The following SYNCRIP variants were observed in gnomAD, a reference collection of about 807,000 sequenced individuals.
SYNCRIP encodes heterogeneous nuclear ribonucleoprotein Q.
Under a neutral mutation model 68.9 loss-of-function variants are expected in SYNCRIP, and 9 were observed. The observed-to-expected ratio is 0.13, with a 90% CI of 0.08 to 0.23. The LOEUF (loss-of-function observed/expected upper bound fraction) is 0.23, where lower values mean the gene tolerates loss of function less well. SYNCRIP is among the 10% of genes least tolerant of loss of function. The pLI is 1.00. For synonymous variants in SYNCRIP, 258 were observed against 254.0 expected (o/e 1.02, Z -0.15); for missense variants, 414 against 770.6 (o/e 0.54, Z 5.48).
intron 10 of SYNCRIP, among the ~76,000 whole-genome samples, chr6:85,615,840 T>C (rs1264786868): frequency 6.6e-6 from 1 of 152,224 alleles, no homozygotes; most frequent in Non-Finnish European, 1.5e-5. Context: ...GAATTGCATT[T>C]CTGCTAAGAT....
In SYNCRIP at chr6:85,640,343, T is replaced by A; in HGVS notation, c.268-15A>T. The A allele has an allele frequency of 6.2e-7, 1 of 1,607,842 alleles. No individual in the cohort carries two copies. The highest frequency in any genetic ancestry group is 8.5e-7 in the Non-Finnish European group (1 of 1,175,606). Reference sequence around the variant, plus strand: ...GCACTTTTGTTCTGCAAAAAAATGTTCCATTAATATTTAACAATAACCATA... The same window carrying A: ...GCACTTTTGTTCTGCAAAAAAATGTACCATTAATATTTAACAATAACCATA... On this transcript the variant is annotated splice_polypyrimidine_tract_variant and intron_variant, in intron 3 of 10. Coordinates refer to ENST00000369622, the MANE Select transcript of SYNCRIP (RefSeq NM_006372.5).
intron 8 of SYNCRIP, 102 bp downstream of exon 8, chr6:85,622,380 A>T: frequency 8.7e-7 from 1 of 1,150,980 alleles, no homozygotes. Context: ...TGTCTCAAAA[A>T]ATAAAAAAAT....
chr6:85,632,314 G>A (rs983818270), intron 6 of SYNCRIP, among the ~76,000 whole-genome samples: 1 of 152,108 alleles, frequency 6.6e-6, no homozygotes, highest in African/African-American at 2.4e-5. Flanking sequence ...TAATGCAAAG[G>A]AGGCATGAGG....
rs779156651 is a variant in SYNCRIP at position 85,614,737 on chromosome 6, TAC to T, written c.*17_*18del. On this transcript the variant is annotated 3_prime_UTR_variant, in exon 11 of 11. Coordinates refer to ENST00000369622, the MANE Select transcript of SYNCRIP (RefSeq NM_006372.5). ...TGATCAACCTATCAGTCTCCAATTT[TAC>T]AGAGGCCCTACTGTTTCTACTTCCA... 2 of 1,549,484 alleles carry T rather than the reference TAC, an allele frequency of 1.3e-6. No homozygotes were observed. Among genetic ancestry groups the T allele is most frequent in the African/African-American group, 1.4e-5 (1 of 72,610 alleles).
chr6:85,637,935 G>A (rs889463488), intron 4 of SYNCRIP, among the ~76,000 whole-genome samples: 4 of 152,096 alleles, frequency 2.6e-5, no homozygotes, highest in Non-Finnish European at 5.9e-5. Flanking sequence ...AAAAGTAACA[G>A]CCAAAACGAC....
At chr6:85,642,548 G>A (rs910157576) in intron 1 of SYNCRIP, among the ~76,000 whole-genome samples, 2 of 152,142 alleles carry the variant, frequency 1.3e-5, no homozygotes, top group African/African-American at 4.8e-5. Flanking sequence ...GTCCGTGCGG[G>A]CCACGGGACC....
chr6:85,618,404 G>A (rs1220257038), intron 10 of SYNCRIP, among the ~76,000 whole-genome samples: 1 of 151,710 alleles, frequency 6.6e-6, no homozygotes, highest in African/African-American at 2.4e-5. Context: ...AAAATTACCA[G>A]GCATGGTGGC....
At chr6:85,634,951 C>G (rs1808277523) in intron 6 of SYNCRIP, among the ~76,000 whole-genome samples, 1 of 152,136 alleles carries the variant, frequency 6.6e-6, no homozygotes, top group African/African-American at 2.4e-5. Flanking sequence ...GGGCAGATTA[C>G]TTGAGGTCTG....
chr6:85,643,859 G>A (rs1809490267), upstream of SYNCRIP: 1 of 152,176 alleles, frequency 6.6e-6, no homozygotes, highest in African/African-American at 2.4e-5. Flanking sequence ...GGAAGCTGCA[G>A]GCGCACGTGT....
In SYNCRIP at chr6:85,615,323, A is replaced by T. The variant is rs762416013; in HGVS notation, c.1305T>A (p.Gly435=). The T allele has an allele frequency of 6.5e-7, 1 of 1,539,714 alleles. No homozygotes were observed. Among genetic ancestry groups the T allele is most frequent in the Admixed American group, 2.0e-5 (1 of 50,584 alleles). ...NQMYDDYYYY[G]PPHMPPPTRG... ...TTGTTGGAGGGGGCATATGAGGTGG[A>T]CCATAATAGTAGTAATCGTCATACC... Residue 435 remains glycine, a synonymous_variant, in exon 11 of 11, where the codon GGT becomes GGA. Transcript: ENST00000369622.
downstream of SYNCRIP, chr6:85,610,384 CACT>C (rs1281761599): frequency 6.6e-6 from 1 of 151,930 alleles, no homozygotes; most frequent in Non-Finnish European, 1.5e-5. Flanking sequence ...ATTTCATCAC[CACT>C]GTTTACATTA....
At chr6:85,642,294 CCCGG>C (rs1183721474) in intron 1 of SYNCRIP, among the ~76,000 whole-genome samples, 1 of 152,154 alleles carries the variant, frequency 6.6e-6, no homozygotes. Context: ...CGGCCGCCCG[CCCGG>C]CCGAGACGTG....
intron 6 of SYNCRIP, 122 bp from the exon 7 acceptor site, chr6:85,624,234 G>C: frequency 1.1e-6 from 1 of 921,690 alleles, no homozygotes; most frequent in South Asian, 1.7e-5. Context: ...TCCCATACAA[G>C]GGAATTATGA....
At chr6:85,632,198 A>G (rs2128295575) in intron 6 of SYNCRIP, among the ~76,000 whole-genome samples, 1 of 152,344 alleles carries the variant, frequency 6.6e-6, no homozygotes, top group African/African-American at 2.4e-5. Context: ...TTGCTGTATC[A>G]GTATTAAAAG....
At chr6:85,619,178 G>T in intron 9 of SYNCRIP, 90 bp downstream of exon 9, 1 of 1,537,264 alleles carries the variant, frequency 6.5e-7, no homozygotes, top group Non-Finnish European at 8.8e-7. Context: ...GACTTCCAAA[G>T]TCTCCTCCAA....
intron 7 of SYNCRIP, among the ~76,000 whole-genome samples, chr6:85,623,256 T>A (rs1218862232): frequency 6.6e-6 from 1 of 151,996 alleles, no homozygotes; most frequent in Non-Finnish European, 1.5e-5. Context: ...TTTTACCATG[T>A]TGACAATATA....
intron 6 of SYNCRIP, among the ~76,000 whole-genome samples, chr6:85,633,678 AT>A (rs796961110): frequency 8.1e-4 from 123 of 151,076 alleles, no homozygotes; most frequent in East Asian, 1.6e-3. Flanking sequence ...ACCATTGGAA[AT>A]TTTTTTTTTC....
At chr6:85,618,098 G>C in intron 10 of SYNCRIP, among the ~76,000 whole-genome samples, 1 of 152,092 alleles carries the variant, frequency 6.6e-6, no homozygotes, top group Non-Finnish European at 1.5e-5. Context: ...AGCACTACTG[G>C]TGAAGAAACA....
chr6:85,623,213 G>A (rs1806618890), intron 7 of SYNCRIP, among the ~76,000 whole-genome samples: 1 of 152,074 alleles, frequency 6.6e-6, no homozygotes, highest in Non-Finnish European at 1.5e-5. Flanking sequence ...AAAGCAACCT[G>A]TCACTTAAAA....
Sources: allele counts gnomAD v4.1 joint callset (sites outside exome capture counted in the v4.1 genomes callset), GRCh38; gene constraint gnomAD v4.1.1; transcripts MANE v1.5; gene names NCBI Gene and HGNC (gene_info 2026-07-23, HGNC 2026-07-21).